Variants in TPO observed in about 807,000 individuals in gnomAD.
The protein encoded by TPO is thyroid peroxidase.
Under a neutral mutation model 96.9 loss-of-function variants are expected in TPO, and 78 were observed. That is an observed-to-expected ratio of 0.81 (90% CI 0.67 to 0.97). The LOEUF is 0.97. Among genes scored for constraint, TPO ranks in the 50% least tolerant of loss-of-function variants. The pLI, the probability that TPO is intolerant of heterozygous loss-of-function variation, is 0.00. For missense variants in TPO, 1,252 were observed against 1,274.8 expected, an observed-to-expected ratio of 0.98 and a Z score of 0.27; for synonymous variants, 547 against 538.0, an observed-to-expected ratio of 1.02 and a Z score of -0.23.
chr2:1,542,929 GCTTCC>G lies in TPO; in HGVS notation c.*456_*460del, dbSNP rs371451893. The G allele has an allele frequency of 3.6e-4, 92 of 257,558 alleles. 1 individual carries two copies. In the East Asian group the frequency reaches 8.6e-3, roughly 24 times the overall value. The allele number at this position is 257,558 out of a possible 1,614,324, so 16.0% of individuals were successfully genotyped here. A position where few individuals can be genotyped will look rare whatever the true frequency, so the allele number is the denominator to read the frequency against. On this transcript the variant is annotated 3_prime_UTR_variant, in exon 17 of 17. Coordinates refer to ENST00000329066, the MANE Select transcript of TPO (RefSeq NM_001206744.2). The stretch of plus-strand genomic sequence containing the variant: ...TCTTCTCCTGGGAAGAGCACTCCTG[GCTTCC>G]TGCAGGGCCGGTGGGAGGAGGAAAG...
chr2:1,431,380 A>G (rs1337148202), intron 3 of TPO, among the ~76,000 whole-genome samples: 1 of 152,218 alleles, frequency 6.6e-6, no homozygotes, highest in Non-Finnish European at 1.5e-5. Context: ...TCCTGGGTCC[A>G]TGTTTGCACA....
intron 14 of TPO, among the ~76,000 whole-genome samples, chr2:1,516,672 T>G (rs1674746402): frequency 6.6e-6 from 1 of 152,188 alleles, no homozygotes; most frequent in South Asian, 2.1e-4. Context: ...CTGTGTCCCC[T>G]GCTGGCTCTC....
intron 10 of TPO, among the ~76,000 whole-genome samples, chr2:1,490,017 G>A (rs1230637138): frequency 2.1e-5 from 2 of 97,172 alleles, no homozygotes; most frequent in Non-Finnish European, 4.2e-5. Flanking sequence ...GAGCCGCCAC[G>A]AGGGTCCCAC....
At chr2:1,539,047 C>G (rs553210831) in intron 15 of TPO, among the ~76,000 whole-genome samples, 42 of 152,102 alleles carry the variant, frequency 2.8e-4, no homozygotes, top group Non-Finnish European at 3.8e-4. Flanking sequence ...TCCACCCTAC[C>G]CCAGTATAGA....
At chr2:1,522,581 C>T (rs539584268) in intron 15 of TPO, among the ~76,000 whole-genome samples, 1 of 152,156 alleles carries the variant, frequency 6.6e-6, no homozygotes. Flanking sequence ...GTGTGATGCC[C>T]AGCCATTCCC....
chr2:1,504,215 C>T (rs368794489), intron 14 of TPO, 136 bp downstream of exon 14: 108 of 1,509,470 alleles, frequency 7.2e-5, no homozygotes, highest in Admixed American at 5.2e-4. Context: ...ACCAAGCCCA[C>T]GGTGCCCGAG....
rs571832933 is a variant in TPO at position 1,453,735 on chromosome 2, G to C, written c.524G>C (p.Arg175Pro). 6.2e-7 allele frequency: 1 copy of C among 1,613,938 alleles called. No individual in the cohort carries two copies. The highest frequency in any genetic ancestry group is 8.5e-7 in the Non-Finnish European group (1 of 1,180,018). The change falls in exon 6 of 17, where the codon CGA becomes CCA. Residue 175 changes from arginine to proline, a missense_variant. Transcript: ENST00000329066. ...GGCGCCTCCAACACGGCCCTGGCAC[G>C]ATGGCTCCCTCCAGTCTATGAGGAC... Reference protein sequence around the residue: ...RWGASNTALARWLPPVYEDGF... With the variant: ...RWGASNTALAPWLPPVYEDGF...
intron 15 of TPO, among the ~76,000 whole-genome samples, chr2:1,531,693 C>G (rs1463966684): frequency 1.1e-5 from 1 of 94,388 alleles, no homozygotes; most frequent in Non-Finnish European, 2.2e-5. Flanking sequence ...CCCGCCCACT[C>G]TTTGCAACCT....
Position 1,456,209 on chromosome 2 carries a change from G to A in TPO, c.746G>A (p.Ser249Asn). 6.2e-7 allele frequency: 1 copy of A among 1,614,134 alleles called. No individual in the cohort carries two copies. The highest frequency in any genetic ancestry group is 8.5e-7 in the Non-Finnish European group (1 of 1,180,046). The stretch of plus-strand genomic sequence containing the variant: ...ATCGCGTTCACACCACAGAGCACCA[G>A]CAAAGCTGCCTTCGGGGGAGGGGCT... ...HDIAFTPQST[S>N]KAAFGGGADC... Residue 249 changes from serine to asparagine, a missense_variant, in exon 7 of 17, where the codon AGC (serine) becomes AAC (asparagine). Coordinates refer to ENST00000329066, the MANE Select transcript of TPO (RefSeq NM_001206744.2).
intron 5 of TPO, among the ~76,000 whole-genome samples, chr2:1,438,207 T>A (rs1665782931): frequency 6.6e-6 from 1 of 151,410 alleles, no homozygotes. Context: ...GCGTTGGAGA[T>A]GTGGGGGCGG....
chr2:1,473,699 T>C (rs936898416), intron 7 of TPO, among the ~76,000 whole-genome samples: 1 of 152,174 alleles, frequency 6.6e-6, no homozygotes, highest in African/African-American at 2.4e-5. Context: ...ATGATTTTCT[T>C]TTTGTAGATC....
chr2:1,460,806 G>T (rs922708245), intron 7 of TPO, among the ~76,000 whole-genome samples: 3 of 152,186 alleles, frequency 2.0e-5, no homozygotes, highest in African/African-American at 7.2e-5. Flanking sequence ...CTGTGTGGAG[G>T]TTGGGCTCCC....
chr2:1,435,824 C>T (rs944785205), intron 4 of TPO, among the ~76,000 whole-genome samples: 1 of 152,150 alleles, frequency 6.6e-6, no homozygotes, highest in African/African-American at 2.4e-5. Context: ...CATTAGGGTT[C>T]GGGATAAATT....
intron 5 of TPO, among the ~76,000 whole-genome samples, chr2:1,448,513 C>A (rs1339008418): frequency 6.6e-6 from 1 of 152,206 alleles, no homozygotes; most frequent in Non-Finnish European, 1.5e-5. Context: ...GGTTGAAAGG[C>A]AGCACTTGTC....
intron 1 of TPO, among the ~76,000 whole-genome samples, chr2:1,401,217 CT>C (rs1662166663): frequency 6.6e-6 from 1 of 152,204 alleles, no homozygotes; most frequent in Non-Finnish European, 1.5e-5. Context: ...AAAAGTAAAA[CT>C]TTAGGCAAAA....
chr2:1,392,965 T>A (rs1662026407), intron 1 of TPO, among the ~76,000 whole-genome samples: 1 of 152,066 alleles, frequency 6.6e-6, no homozygotes, highest in Non-Finnish European at 1.5e-5. Flanking sequence ...GTGTAAAGAG[T>A]CATATAGACT....
chr2:1,427,072 G>A (rs935297980), intron 3 of TPO, among the ~76,000 whole-genome samples: 7 of 152,138 alleles, frequency 4.6e-5, no homozygotes, highest in Non-Finnish European at 7.3e-5. Flanking sequence ...AGGGACAAAG[G>A]GACTTTGCTC....
At position 1,543,651 on chromosome 2, in the gene TPO, A is replaced by C. The variant is rs1317532024; in HGVS notation, c.*1177A>C. The C allele has an allele frequency of 6.6e-6, 1 of 150,712 alleles. No individual in the cohort carries two copies. The highest frequency in any genetic ancestry group is 1.5e-5 in the Non-Finnish European group (1 of 66,982). The allele number at this position is 150,712 out of a possible 1,614,324, so 9.3% of individuals were successfully genotyped here. A position where few individuals can be genotyped will look rare whatever the true frequency, so the allele number is the denominator to read the frequency against. On this transcript the variant is annotated 3_prime_UTR_variant, in exon 17 of 17. Coordinates refer to ENST00000329066, the MANE Select transcript of TPO (RefSeq NM_001206744.2). ...TTCATGTAAAACTCATGATTTCATA[A>C]TTAAAACAATATTAAAATAAAACTC...
intron 3 of TPO, among the ~76,000 whole-genome samples, chr2:1,431,088 C>A (rs764444632): frequency 6.6e-6 from 1 of 151,582 alleles, no homozygotes; most frequent in Non-Finnish European, 1.5e-5. Context: ...GCTTTTCCCC[C>A]TTAAATCTCA....
Sources: allele counts gnomAD v4.1 joint callset (sites outside exome capture counted in the v4.1 genomes callset), GRCh38; gene constraint gnomAD v4.1.1; transcripts MANE v1.5; gene names NCBI Gene and HGNC (gene_info 2026-07-23, HGNC 2026-07-21).